PCGF5: variants seen among roughly 807,000 people sequenced by gnomAD.
PCGF5 encodes the protein polycomb group ring finger 5.
PCGF5 carries 9 observed loss-of-function variants against 44.3 expected under a neutral mutation model. The ratio of observed to expected loss-of-function variants is 0.20; its 90% CI spans 0.12 to 0.35. The LOEUF is 0.35. PCGF5 is among the 10% of genes least tolerant of loss of function. The probability of loss-of-function intolerance (pLI) is 1.00; values close to 1 mark genes in which losing one functional copy is unlikely to be tolerated. For missense variants in PCGF5, 146 were observed against 305.3 expected (o/e 0.48, Z 3.89); for synonymous variants, 95 against 102.5 (o/e 0.93, Z 0.44).
chr10:91,181,702 A>G (rs748781869), intron 1 of PCGF5, among the ~76,000 whole-genome samples: 3 of 152,222 alleles, frequency 2.0e-5, no homozygotes, highest in East Asian at 1.9e-4. Flanking sequence ...CCAACCTTGC[A>G]TCCCGGGGAT....
intron 9 of PCGF5, among the ~76,000 whole-genome samples, chr10:91,273,414 C>G (rs539413260): frequency 1.3e-5 from 2 of 152,278 alleles, no homozygotes; most frequent in South Asian, 4.1e-4. Context: ...GTCCTTAAAC[C>G]ATGATCCAAA....
intron 1 of PCGF5, among the ~76,000 whole-genome samples, chr10:91,180,482 A>G (rs1843798941): frequency 6.6e-6 from 1 of 152,176 alleles, no homozygotes; most frequent in South Asian, 2.1e-4. Flanking sequence ...TTTTACATTT[A>G]AGCCTTTAAC....
intron 3 of PCGF5, 26 bp from the exon 4 acceptor site, chr10:91,248,479 T>G: frequency 6.3e-7 from 1 of 1,586,312 alleles, no homozygotes; most frequent in South Asian, 1.1e-5. Context: ...TCATTGTTAG[T>G]ATTTTCTTTC....
At chr10:91,229,263 C>A (rs546985237) in intron 2 of PCGF5, among the ~76,000 whole-genome samples, 41 of 152,264 alleles carry the variant, frequency 2.7e-4, no homozygotes, top group Non-Finnish European at 2.4e-4. Context: ...CTGTGCCCTC[C>A]TAGAACTTAA....
At chr10:91,257,961 C>T (rs1394699862) in intron 6 of PCGF5, among the ~76,000 whole-genome samples, 1 of 152,094 alleles carries the variant, frequency 6.6e-6, no homozygotes, top group Admixed American at 6.6e-5. Context: ...TGATACTATT[C>T]AGTCATAAAC....
intron 1 of PCGF5, among the ~76,000 whole-genome samples, chr10:91,214,479 C>A (rs1026597372): frequency 3.3e-5 from 5 of 152,086 alleles, no homozygotes; most frequent in Non-Finnish European, 7.4e-5. Context: ...CTATACTTAG[C>A]TACCTCTGGG....
chr10:91,228,809 A>G (rs543640682), intron 2 of PCGF5, among the ~76,000 whole-genome samples: 6 of 152,346 alleles, frequency 3.9e-5, no homozygotes, highest in South Asian at 2.1e-4. Context: ...ACCATCAGCA[A>G]CATCACCTGG....
intron 2 of PCGF5, among the ~76,000 whole-genome samples, chr10:91,232,344 GTATT>G (rs1845031948): frequency 6.6e-6 from 1 of 152,240 alleles, no homozygotes; most frequent in South Asian, 2.1e-4. Flanking sequence ...GAATACATAA[GTATT>G]TAATCTTAAT....
chr10:91,277,106 T>G (rs1846335983), intron 9 of PCGF5, among the ~76,000 whole-genome samples: 1 of 152,206 alleles, frequency 6.6e-6, no homozygotes, highest in Admixed American at 6.5e-5. Flanking sequence ...TCTGCTGTAC[T>G]TCACCTGGGA....
intron 1 of PCGF5, among the ~76,000 whole-genome samples, chr10:91,172,002 C>T (rs1284335455): frequency 6.6e-6 from 1 of 152,148 alleles, no homozygotes; most frequent in Admixed American, 6.5e-5. Flanking sequence ...GAAGTTGTTC[C>T]TTTATTTTAA....
chr10:91,164,191 G>A (rs1218642180), intron 1 of PCGF5, among the ~76,000 whole-genome samples: 6 of 152,210 alleles, frequency 3.9e-5, no homozygotes, highest in African/African-American at 1.4e-4. Flanking sequence ...CCGGAGGGGC[G>A]GGGAAGACTT....
chr10:91,245,526 T>C (rs1337116494), intron 3 of PCGF5, among the ~76,000 whole-genome samples: 1 of 119,696 alleles, frequency 8.4e-6, no homozygotes, highest in African/African-American at 4.7e-5. Context: ...GAAGGTTCTT[T>C]ATTTTGTTTT....
At chr10:91,169,569 C>A (rs536741302) in intron 1 of PCGF5, among the ~76,000 whole-genome samples, 89 of 152,246 alleles carry the variant, frequency 5.8e-4, no homozygotes, top group African/African-American at 2.0e-3. Context: ...AGATATACAT[C>A]TAACAAAATA....
chr10:91,225,735 TAAAAG>T (rs927328847), intron 2 of PCGF5, among the ~76,000 whole-genome samples: 9 of 152,038 alleles, frequency 5.9e-5, no homozygotes, highest in Non-Finnish European at 1.3e-4. Context: ...TTTATACAAA[TAAAAG>T]AATACTTTGC....
chr10:91,259,859 A>G (rs569409737), intron 6 of PCGF5, among the ~76,000 whole-genome samples: 2 of 152,260 alleles, frequency 1.3e-5, no homozygotes, highest in South Asian at 2.1e-4. Context: ...AACCATAAAA[A>G]CCCTAGAAGA....
In PCGF5 at chr10:91,278,548, A is replaced by T; in HGVS notation, c.*232A>T. On this transcript the variant is annotated 3_prime_UTR_variant, in exon 10 of 10. Coordinates refer to ENST00000336126, the MANE Select transcript of PCGF5 (RefSeq NM_032373.5). The stretch of plus-strand genomic sequence containing the variant: ...TGCATAAGGTATTTGTGTTGTCTCA[A>T]AGTGTGCAAGTCATGGTAAAAATCA... 1 of 480,456 alleles carries T rather than the reference A, an allele frequency of 2.1e-6. No homozygotes were observed. Among genetic ancestry groups the T allele is most frequent in the East Asian group, 3.3e-5 (1 of 30,598 alleles). 29.8% of individuals were successfully genotyped at this position (480,456 alleles called of 1,614,324 possible).
chr10:91,240,440 C>G, intron 2 of PCGF5, 44 bp from the exon 3 acceptor site: 1 of 1,254,014 alleles, frequency 8.0e-7, no homozygotes, highest in Non-Finnish European at 1.2e-6. Context: ...ATTAAATGAG[C>G]GTTCATATGA....
At chr10:91,200,441 T>C (rs1188654196) in intron 1 of PCGF5, among the ~76,000 whole-genome samples, 2 of 152,190 alleles carry the variant, frequency 1.3e-5, no homozygotes, top group Non-Finnish European at 2.9e-5. Context: ...TTCTGGGAAG[T>C]GCGCATATAT....
At chr10:91,193,475 A>G (rs1020603909) in intron 1 of PCGF5, among the ~76,000 whole-genome samples, 1 of 152,038 alleles carries the variant, frequency 6.6e-6, no homozygotes, top group East Asian at 1.9e-4. Context: ...GTGGAGTAAG[A>G]ATGTGTTCTA....
Sources: allele counts gnomAD v4.1 joint callset (sites outside exome capture counted in the v4.1 genomes callset), GRCh38; gene constraint gnomAD v4.1.1; transcripts MANE v1.5; gene names NCBI Gene and HGNC (gene_info 2026-07-23, HGNC 2026-07-21).